The following AKAP19 variants were observed in gnomAD, a reference collection of about 807,000 sequenced individuals.
AKAP19 encodes the protein A-kinase anchoring protein 19, also known as small A-kinase anchoring protein.
chr2:189,993,689 T>G, the AKAP19 span, among the ~76,000 whole-genome samples: 1 of 152,288 alleles, frequency 6.6e-6, no homozygotes, highest in East Asian at 1.9e-4. Context: ...ATCTCATTAC[T>G]TGTTATTTGT....
At chr2:190,155,396 G>A in the AKAP19 span, among the ~76,000 whole-genome samples, 1 of 152,088 alleles carries the variant, frequency 6.6e-6, no homozygotes, top group African/African-American at 2.4e-5. Flanking sequence ...TTAATAAAGT[G>A]CAAAGTATAG....
the AKAP19 span, among the ~76,000 whole-genome samples, chr2:189,945,696 C>G: frequency 6.6e-6 from 1 of 152,156 alleles, no homozygotes; most frequent in African/African-American, 2.4e-5. Flanking sequence ...TATAGATTGG[C>G]ATTCAAATAT....
chr2:190,070,627 T>A, the AKAP19 span, among the ~76,000 whole-genome samples: 4 of 138,300 alleles, frequency 2.9e-5, no homozygotes, highest in South Asian at 8.2e-4. Context: ...CCCCCCCCTT[T>A]TTTTTTGGTA....
chr2:189,989,479 A>G, the AKAP19 span, among the ~76,000 whole-genome samples: 1 of 152,170 alleles, frequency 6.6e-6, no homozygotes, highest in African/African-American at 2.4e-5. Context: ...GCAAATAACC[A>G]AAATGAAGTT....
At chr2:190,104,873 C>A in the AKAP19 span, among the ~76,000 whole-genome samples, 5 of 152,038 alleles carry the variant, frequency 3.3e-5, no homozygotes, top group African/African-American at 7.2e-5. Flanking sequence ...AAGTGGCCAA[C>A]AAACATGAAA....
At chr2:190,038,983 CTTCCTTT>C in the AKAP19 span, among the ~76,000 whole-genome samples, 1 of 139,194 alleles carries the variant, frequency 7.2e-6, no homozygotes, top group East Asian at 2.1e-4. Context: ...TCTTCTTCTT[CTTCCTTT>C]CTTTCTTCTC....
chr2:189,950,028 G>GTTTTTTTTT, the AKAP19 span, among the ~76,000 whole-genome samples: 3 of 113,964 alleles, frequency 2.6e-5, 1 homozygote, highest in African/African-American at 6.7e-5. Context: ...TTGGTTTTGG[G>GTTTTTTTTT]TTTTTTTTTT....
chr2:190,091,237 C>T, the AKAP19 span, among the ~76,000 whole-genome samples: 18 of 152,262 alleles, frequency 1.2e-4, no homozygotes, highest in Non-Finnish European at 2.1e-4. Context: ...CTTGTCAGCA[C>T]GTCAGTGGCA....
the AKAP19 span, among the ~76,000 whole-genome samples, chr2:190,193,065 T>C: frequency 7.2e-5 from 11 of 152,142 alleles, no homozygotes; most frequent in Non-Finnish European, 1.6e-4. Flanking sequence ...AGAATGACTA[T>C]TGCTGCCTTG....
chr2:190,172,064 G>T, the AKAP19 span, among the ~76,000 whole-genome samples: 1 of 152,150 alleles, frequency 6.6e-6, no homozygotes, highest in Non-Finnish European at 1.5e-5. Context: ...AACATGCCTT[G>T]CTAGTTATTC....
the AKAP19 span, among the ~76,000 whole-genome samples, chr2:190,154,946 T>C: frequency 3.3e-5 from 5 of 152,084 alleles, no homozygotes; most frequent in African/African-American, 1.2e-4. Context: ...AAATGTGCAG[T>C]TGGCAGACAC....
the AKAP19 span, among the ~76,000 whole-genome samples, chr2:189,940,429 G>C: frequency 6.6e-6 from 1 of 151,440 alleles, no homozygotes; most frequent in Non-Finnish European, 1.5e-5. Flanking sequence ...CTGGGCAACG[G>C]GGGGGAAAAA....
At chr2:190,099,756 C>T in the AKAP19 span, among the ~76,000 whole-genome samples, 4 of 152,162 alleles carry the variant, frequency 2.6e-5, no homozygotes, top group Non-Finnish European at 5.9e-5. Context: ...ATGCTCCATA[C>T]TTTTCTTGAT....
At chr2:190,103,076 T>A in the AKAP19 span, among the ~76,000 whole-genome samples, 1 of 151,964 alleles carries the variant, frequency 6.6e-6, no homozygotes, top group Non-Finnish European at 1.5e-5. Flanking sequence ...ATAAACAGAA[T>A]TAAAAACAAA....
At chr2:189,950,728 G>T in the AKAP19 span, among the ~76,000 whole-genome samples, 1 of 152,116 alleles carries the variant, frequency 6.6e-6, no homozygotes, top group Admixed American at 6.5e-5. Flanking sequence ...AATACATAGA[G>T]TTCTCCTCTA....
At chr2:190,052,358 T>C in the AKAP19 span, among the ~76,000 whole-genome samples, 1 of 152,340 alleles carries the variant, frequency 6.6e-6, no homozygotes, top group East Asian at 1.9e-4. Context: ...AATTTTGATT[T>C]TCTGCCATAG....
At chr2:189,906,735 TTATAA>T in the AKAP19 span, among the ~76,000 whole-genome samples, 2 of 152,166 alleles carry the variant, frequency 1.3e-5, no homozygotes, top group African/African-American at 4.8e-5. Flanking sequence ...ATTTCAGTTG[TTATAA>T]TATGTCTAAC....
the AKAP19 span, among the ~76,000 whole-genome samples, chr2:190,073,534 C>A: frequency 9.2e-5 from 14 of 151,860 alleles, no homozygotes; most frequent in East Asian, 1.9e-3. Context: ...AAAAGCCACC[C>A]TTCTAGAATT....
the AKAP19 span, among the ~76,000 whole-genome samples, chr2:190,163,403 C>T: frequency 6.7e-6 from 1 of 149,578 alleles, no homozygotes; most frequent in Non-Finnish European, 1.5e-5. Context: ...CACTGCACTC[C>T]AACCTGGGAG....
Sources: gnomAD v4.1 joint callset for allele counts (sites outside exome capture counted in the v4.1 genomes callset) on GRCh38, gnomAD v4.1.1 for gene constraint, MANE v1.5 for transcripts, NCBI Gene and HGNC (gene_info 2026-07-23, HGNC 2026-07-21) for gene names.